PTPRZ1: variants seen among roughly 807,000 people sequenced by gnomAD.
The protein encoded by PTPRZ1 is protein tyrosine phosphatase receptor type Z1.
Under a neutral mutation model 214.1 loss-of-function variants are expected in PTPRZ1, and 82 were observed. The observed-to-expected ratio is 0.38, with a 90% confidence interval of 0.32 to 0.46. PTPRZ1 has a LOEUF of 0.46. PTPRZ1 is among the 20% of genes least tolerant of loss of function. PTPRZ1 has a pLI of 1.00. For synonymous variants in PTPRZ1, 945 were observed against 987.9 expected, an observed-to-expected ratio of 0.96 and a Z score of 0.81; for missense variants, 2,603 against 2,748.7, an observed-to-expected ratio of 0.95 and a Z score of 1.19.
At chr7:122,001,822 A>G (rs1798335265) in intron 10 of PTPRZ1, among the ~76,000 whole-genome samples, 1 of 152,186 alleles carries the variant, frequency 6.6e-6, no homozygotes, top group Non-Finnish European at 1.5e-5. Flanking sequence ...AAAAATGTGA[A>G]TTCTAAGTGT....
chr7:122,011,922 A>G lies in PTPRZ1; in HGVS notation c.2876A>G (p.Gln959Arg), dbSNP rs1247971992. The change falls in exon 12 of 30, where the codon CAG (glutamine) becomes CGG (arginine). Residue 959 changes from glutamine (Q) to arginine (R), a missense_variant. Physicochemically the swap from Gln to Arg is conservative, Grantham distance 43 (BLOSUM62 1). This residue lies in a region of PTPRZ1 where 1,913 missense variants were observed against 1,914.3 expected (regional missense o/e 1.00). Transcript: ENST00000393386. ...CATGATTCTGTGGGTGTAACTTATC[A>G]GGGTTCCTTATTTAGCGGCCCTAGC... ...PVHDSVGVTY[Q>R]GSLFSGPSHI... 6.2e-7 allele frequency: 1 copy of G among 1,614,112 alleles called. No individual in the cohort carries two copies. The highest frequency in any genetic ancestry group is 1.3e-5 in the African/African-American group (1 of 74,944).
chr7:122,056,401 T>C (rs1413904201), intron 27 of PTPRZ1, among the ~76,000 whole-genome samples: 1 of 151,722 alleles, frequency 6.6e-6, no homozygotes, highest in East Asian at 1.9e-4. Context: ...ATGGACAACT[T>C]GATAATCCAG....
intron 1 of PTPRZ1, among the ~76,000 whole-genome samples, chr7:121,914,565 T>C (rs1433845379): frequency 6.6e-6 from 1 of 152,194 alleles, no homozygotes; most frequent in South Asian, 2.1e-4. Context: ...TCAATTGTTT[T>C]TGTGAAAAAT....
Position 122,031,627 on chromosome 7 carries a change from G to A in PTPRZ1, c.5166+68G>A, listed in dbSNP as rs1274641578. 4.3e-6 allele frequency: 5 copies of A among 1,149,770 alleles called. No homozygotes were observed. The African/African-American group carries it at 4.7e-5, about 11-fold the overall frequency. 71.2% of individuals were successfully genotyped at this position (1,149,770 alleles called of 1,614,324 possible). A position where few individuals can be genotyped will look rare whatever the true frequency, so the allele number is the denominator to read the frequency against. On this transcript the variant is annotated intron_variant, in intron 15 of 29. Transcript: ENST00000393386. The stretch of plus-strand genomic sequence containing the variant: ...TAAAATTTAAAAGATTCAGCAATAG[G>A]CTATTTCTTGACCTAAAGACAGTGC...
intron 1 of PTPRZ1, among the ~76,000 whole-genome samples, chr7:121,913,828 A>G (rs911446285): frequency 1.3e-5 from 2 of 151,998 alleles, no homozygotes; most frequent in African/African-American, 2.4e-5. Flanking sequence ...AGAATTCTCA[A>G]CTTATTCACA....
At chr7:121,969,561 CAA>C (rs5887062) in intron 3 of PTPRZ1, among the ~76,000 whole-genome samples, 37,962 of 123,008 alleles carry the variant, frequency 0.31, 5,234 homozygotes, top group African/African-American at 0.38. Context: ...AACTCTGTCT[CAA>C]AAAAAAAAAA....
chr7:122,018,403 A>T (rs908409730), intron 12 of PTPRZ1, among the ~76,000 whole-genome samples: 1 of 152,228 alleles, frequency 6.6e-6, no homozygotes, highest in Non-Finnish European at 1.5e-5. Context: ...ATCATGTGTC[A>T]TCTTTTAAAA....
At chr7:122,049,384 A>G (rs1295042294) in intron 23 of PTPRZ1, among the ~76,000 whole-genome samples, 1 of 152,098 alleles carries the variant, frequency 6.6e-6, no homozygotes, top group African/African-American at 2.4e-5. Context: ...CAGATAGATA[A>G]TATAACTACC....
At chr7:121,994,470 A>G (rs1172847362) in intron 8 of PTPRZ1, among the ~76,000 whole-genome samples, 1 of 151,350 alleles carries the variant, frequency 6.6e-6, no homozygotes, top group Non-Finnish European at 1.5e-5. Context: ...AATTTTTTGT[A>G]TTTTTAGTAG....
intron 23 of PTPRZ1, among the ~76,000 whole-genome samples, chr7:122,047,510 C>T (rs551937395): frequency 1.1e-4 from 17 of 152,186 alleles, no homozygotes; most frequent in African/African-American, 4.1e-4. Context: ...TCAGTAAAAC[C>T]TATGTGCATG....
chr7:121,997,728 A>G, intron 9 of PTPRZ1, 152 bp from the exon 10 acceptor site: 2 of 494,388 alleles, frequency 4.0e-6, no homozygotes, highest in East Asian at 3.9e-5. Context: ...CACAAGTTTA[A>G]CTAAGCAACA....
chr7:121,970,437 A>G (rs1797202787), intron 3 of PTPRZ1, among the ~76,000 whole-genome samples: 1 of 152,092 alleles, frequency 6.6e-6, no homozygotes, highest in African/African-American at 2.4e-5. Context: ...AAGTGTTTCT[A>G]TTTCTCCACA....
intron 6 of PTPRZ1, among the ~76,000 whole-genome samples, chr7:121,981,080 C>T (rs1336965892): frequency 2.0e-5 from 3 of 151,362 alleles, no homozygotes; most frequent in Non-Finnish European, 2.9e-5. Flanking sequence ...GGGGCGGAGC[C>T]TGCAGTGAGC....
At chr7:122,060,978 T>C in intron 29 of PTPRZ1, 102 bp from the exon 30 acceptor site, 3 of 1,175,210 alleles carry the variant, frequency 2.6e-6, no homozygotes, top group Non-Finnish European at 3.4e-6. Context: ...CATTGCCCTT[T>C]CATGAACAGT....
chr7:121,992,021 A>G (rs778557940), intron 8 of PTPRZ1, among the ~76,000 whole-genome samples: 3 of 152,226 alleles, frequency 2.0e-5, no homozygotes, highest in Admixed American at 6.5e-5. Context: ...ACTTATTAGC[A>G]TGTATTTACG....
chr7:121,916,091 T>C (rs1795416300), intron 1 of PTPRZ1, among the ~76,000 whole-genome samples: 1 of 151,872 alleles, frequency 6.6e-6, no homozygotes, highest in Admixed American at 6.6e-5. Flanking sequence ...CTGGCCAACA[T>C]GGTAAAACCC....
At chr7:121,885,360 A>G (rs1457051947) in intron 1 of PTPRZ1, among the ~76,000 whole-genome samples, 1 of 152,102 alleles carries the variant, frequency 6.6e-6, no homozygotes, top group South Asian at 2.1e-4. Flanking sequence ...ATTTTTGGCC[A>G]CTCTGGAGAA....
chr7:122,034,604 G>C (rs886631054), intron 17 of PTPRZ1, among the ~76,000 whole-genome samples: 1 of 152,072 alleles, frequency 6.6e-6, no homozygotes, highest in Non-Finnish European at 1.5e-5. Context: ...AACAAACTTA[G>C]AATTTTAATC....
intron 2 of PTPRZ1, among the ~76,000 whole-genome samples, chr7:121,960,646 G>C (rs924866384): frequency 1.3e-5 from 2 of 152,226 alleles, no homozygotes; most frequent in African/African-American, 4.8e-5. Flanking sequence ...ATGCAAAAAT[G>C]AGAGAAAATA....
Sources: allele counts gnomAD v4.1 joint callset (sites outside exome capture counted in the v4.1 genomes callset), GRCh38; gene constraint gnomAD v4.1.1; regional missense constraint gnomAD v4.1.1; transcripts MANE v1.5; gene names NCBI Gene and HGNC (gene_info 2026-07-23, HGNC 2026-07-21).